Variants in SEMA6A observed in about 807,000 individuals in gnomAD.
SEMA6A encodes semaphorin-6A.
Under a neutral mutation model 96.8 loss-of-function variants are expected in SEMA6A, and 25 were observed. That is an observed-to-expected ratio of 0.26 (90% CI 0.19 to 0.36). The LOEUF (loss-of-function observed/expected upper bound fraction) is 0.36, where lower values mean the gene tolerates loss of function less well. Among genes scored for constraint, SEMA6A ranks in the 10% least tolerant of loss-of-function variants. SEMA6A has a pLI of 1.00. For missense variants in SEMA6A, 1,363 were observed against 1,323.1 expected (o/e 1.03, Z -0.47); for synonymous variants, 612 against 518.0 (o/e 1.18, Z -2.46).
At chr5:116,495,831 G>A in intron 5 of SEMA6A, 1 of 358,170 alleles carries the variant, frequency 2.8e-6, no homozygotes, top group Non-Finnish European at 5.1e-6. Flanking sequence ...GTTCCCTGAT[G>A]TACAAAGCTG....
chr5:116,537,991 A>T (rs138690340), intron 1 of SEMA6A, among the ~76,000 whole-genome samples: 5 of 152,132 alleles, frequency 3.3e-5, no homozygotes, highest in African/African-American at 1.2e-4. Context: ...CTTGGCCAAC[A>T]TGGTGAAACC....
intron 1 of SEMA6A, among the ~76,000 whole-genome samples, chr5:116,569,035 T>C (rs898536721): frequency 6.6e-6 from 1 of 152,196 alleles, no homozygotes; most frequent in African/African-American, 2.4e-5. Flanking sequence ...AGGCACAGCT[T>C]TAGGTGCCAG....
At chr5:116,573,541 A>T (rs1313325489) in intron 1 of SEMA6A, among the ~76,000 whole-genome samples, 1 of 152,092 alleles carries the variant, frequency 6.6e-6, no homozygotes, top group African/African-American at 2.4e-5. Context: ...CTCTGGTGGC[A>T]GCGGCCACAG....
At chr5:116,547,654 A>G (rs1760236787) in intron 1 of SEMA6A, among the ~76,000 whole-genome samples, 1 of 150,562 alleles carries the variant, frequency 6.6e-6, no homozygotes, top group Admixed American at 6.7e-5. Context: ...ACAAGCAAGC[A>G]TTAAGACTGG....
At chr5:116,513,769 C>T (rs774035248) in intron 1 of SEMA6A, among the ~76,000 whole-genome samples, 4 of 152,152 alleles carry the variant, frequency 2.6e-5, no homozygotes, top group Non-Finnish European at 5.9e-5. Flanking sequence ...TCCCGATGCT[C>T]TCCCTCCTTC....
At chr5:116,449,572 T>G (rs1754496333) in intron 18 of SEMA6A, 1 of 527,484 alleles carries the variant, frequency 1.9e-6, no homozygotes, top group Non-Finnish European at 3.4e-6. Context: ...GTGATGGTTT[T>G]AAAACCCAGA....
chr5:116,495,228 C>T (rs1561496035), intron 6 of SEMA6A, among the ~76,000 whole-genome samples, 185 bp downstream of exon 6: 1 of 152,198 alleles, frequency 6.6e-6, no homozygotes, highest in Non-Finnish European at 1.5e-5. Context: ...GTCAATCAAT[C>T]CTGAACAAAC....
chr5:116,478,804 G>C, intron 12 of SEMA6A, 86 bp from the exon 13 acceptor site: 1 of 1,297,374 alleles, frequency 7.7e-7, no homozygotes, highest in South Asian at 1.5e-5. Context: ...CTGCGACATA[G>C]CCTTCTAGTA....
intron 17 of SEMA6A, among the ~76,000 whole-genome samples, chr5:116,470,339 CAT>C (rs1464902384): frequency 6.6e-6 from 1 of 152,128 alleles, no homozygotes; most frequent in Non-Finnish European, 1.5e-5. Flanking sequence ...GATGTGATAT[CAT>C]ATGTCAATAG....
intron 1 of SEMA6A, among the ~76,000 whole-genome samples, chr5:116,571,856 C>T (rs1761228165): frequency 6.6e-6 from 1 of 152,214 alleles, no homozygotes; most frequent in South Asian, 2.1e-4. Context: ...ATCTTGACCG[C>T]TGGTAGCCAT....
chr5:116,565,156 C>G (rs1187878417), intron 1 of SEMA6A, among the ~76,000 whole-genome samples: 1 of 152,082 alleles, frequency 6.6e-6, no homozygotes. Context: ...TTTTTGCCAG[C>G]AAGACTGAGC....
chr5:116,553,314 G>A (rs556158203), intron 1 of SEMA6A, among the ~76,000 whole-genome samples: 1 of 152,134 alleles, frequency 6.6e-6, no homozygotes, highest in Admixed American at 6.5e-5. Context: ...TGAACTCCAG[G>A]TTCAGTCCCT....
chr5:116,557,211 CA>C, intron 1 of SEMA6A, among the ~76,000 whole-genome samples: 1 of 152,268 alleles, frequency 6.6e-6, no homozygotes, highest in South Asian at 2.1e-4. Flanking sequence ...ACATCCCACC[CA>C]ATGGTGGTTG....
intron 1 of SEMA6A, among the ~76,000 whole-genome samples, chr5:116,540,696 TTAGA>T (rs905865379): frequency 3.9e-5 from 6 of 152,224 alleles, no homozygotes; most frequent in African/African-American, 1.4e-4. Context: ...TATATGCATG[TTAGA>T]TACCTATTTC....
At position 116,496,281 on chromosome 5, in the gene SEMA6A, T is replaced by C; in HGVS notation, c.312A>G (p.Val104=). 1 of 1,613,770 alleles carries C rather than the reference T, an allele frequency of 6.2e-7. No individual in the cohort carries two copies. The highest frequency in any genetic ancestry group is 1.3e-5 in the African/African-American group (1 of 75,002). ...KLTWKSRQAD[V]DTCRMKGKHK... Reference sequence around the variant, plus strand: ...GTTTTCCCTTCATTCTGCATGTGTCTACATCGGCCTGTCTAGATTTCCATG... The same window carrying C: ...GTTTTCCCTTCATTCTGCATGTGTCCACATCGGCCTGTCTAGATTTCCATG... The change falls in exon 5 of 19, where the codon GTA becomes GTG. Residue 104 remains valine (V), a synonymous_variant. Coordinates refer to ENST00000343348, the MANE Select transcript of SEMA6A (RefSeq NM_020796.5).
intron 9 of SEMA6A, among the ~76,000 whole-genome samples, chr5:116,487,718 G>T (rs1466291993): frequency 6.6e-6 from 1 of 152,082 alleles, no homozygotes; most frequent in African/African-American, 2.4e-5. Flanking sequence ...AAAAAAATTA[G>T]CTGGGCACGG....
intron 5 of SEMA6A, 89 bp from the exon 6 acceptor site, chr5:116,495,603 G>T: frequency 1.0e-6 from 1 of 969,990 alleles, no homozygotes; most frequent in Non-Finnish European, 1.6e-6. Flanking sequence ...TGACAGTAAG[G>T]TTAAAGTGGA....
rs1164381579 is a variant in SEMA6A at position 116,446,804 on chromosome 5, A to C, written c.2902T>G (p.Ser968Ala). The change falls in exon 19 of 19, where the codon TCC becomes GCC. Residue 968 changes from serine to alanine, a missense_variant. Physicochemically the swap from Ser to Ala is moderately conservative, Grantham distance 99. Coordinates refer to ENST00000343348, the MANE Select transcript of SEMA6A (RefSeq NM_020796.5). ...GGCTGGGAGCTGTGCACCTGGATGG[A>C]GTCCACCCTCTGCGGGGCGGGCGGC... is the stretch of plus-strand genomic sequence containing the variant. ...NPPPAPQRVD[S>A]IQVHSSQPSG... The C allele has an allele frequency of 6.2e-7, 1 of 1,613,322 alleles. No individual in the cohort carries two copies. The highest frequency in any genetic ancestry group is 1.7e-5 in the Admixed American group (1 of 59,916).
intron 10 of SEMA6A, among the ~76,000 whole-genome samples, chr5:116,483,138 C>A (rs1041265713): frequency 1.3e-5 from 2 of 152,146 alleles, no homozygotes; most frequent in Admixed American, 1.3e-4. Flanking sequence ...TAAGACTAAA[C>A]AATTTAAGTT....
Sources: allele counts gnomAD v4.1 joint callset (sites outside exome capture counted in the v4.1 genomes callset), GRCh38; gene constraint gnomAD v4.1.1; transcripts MANE v1.5; gene names NCBI Gene and HGNC (gene_info 2026-07-23, HGNC 2026-07-21).